Variants in TET1 observed in about 807,000 individuals in gnomAD.
TET1 encodes tet methylcytosine dioxygenase 1.
Under a neutral mutation model 148.7 loss-of-function variants are expected in TET1, and 13 were observed. The observed-to-expected ratio is 0.09, with a 90% confidence interval of 0.06 to 0.14. TET1 has a LOEUF of 0.14. Ranked by LOEUF, TET1 falls within the 10% of genes least tolerant of loss-of-function variation. The pLI, the probability that TET1 is intolerant of heterozygous loss-of-function variation, is 1.00. For missense variants in TET1, 2,182 were observed against 2,553.8 expected (o/e 0.85, Z 3.14); for synonymous variants, 907 against 937.2 (o/e 0.97, Z 0.59).
chr10:68,626,104 A>G (rs76794576), intron 3 of TET1, among the ~76,000 whole-genome samples: 16 of 10,398 alleles, frequency 1.5e-3, no homozygotes, highest in Admixed American at 5.9e-3. Flanking sequence ...AAAAGAAAAA[A>G]AAAAAGAAAA....
At chr10:68,565,990 T>C (rs1388884266) in intron 1 of TET1, among the ~76,000 whole-genome samples, 1 of 152,226 alleles carries the variant, frequency 6.6e-6, no homozygotes, top group Non-Finnish European at 1.5e-5. Context: ...ACCTTTTCTA[T>C]TTCCTTGACA....
chr10:68,609,779 CATTT>C (rs975156386), intron 3 of TET1, among the ~76,000 whole-genome samples: 10 of 151,706 alleles, frequency 6.6e-5, no homozygotes, highest in African/African-American at 1.9e-4. Flanking sequence ...TAAAATATTT[CATTT>C]ATTTATTTTT....
chr10:68,636,298 G>C (rs577454458), intron 3 of TET1, among the ~76,000 whole-genome samples: 7 of 152,250 alleles, frequency 4.6e-5, no homozygotes, highest in African/African-American at 7.2e-5. Flanking sequence ...AAATTAAATA[G>C]AGGTTTTTGA....
At position 68,596,629 on chromosome 10, in the gene TET1, G is replaced by A. The variant is rs561950095; in HGVS notation, c.1915-4352G>A. 7.2e-5 allele frequency among the ~76,000 whole-genome samples: 11 copies of A among 152,154 alleles called. No individual in the cohort carries two copies. In the South Asian group the frequency reaches 8.3e-4, roughly 11 times the overall value. ...TGACTATTCTCTCCCATCAAAACTC[G>A]CCCAGAGCTCAGACCACCAAATCAC... On this transcript the variant is annotated intron_variant, in intron 2 of 11. Coordinates refer to ENST00000373644, the MANE Select transcript of TET1 (RefSeq NM_030625.3).
intron 6 of TET1, among the ~76,000 whole-genome samples, chr10:68,653,805 C>T (rs1423768926): frequency 6.6e-6 from 1 of 152,064 alleles, no homozygotes; most frequent in Admixed American, 6.6e-5. Context: ...CCAGGGTTTT[C>T]CCATTAAGTG....
At chr10:68,621,286 A>C (rs2054366773) in intron 3 of TET1, among the ~76,000 whole-genome samples, 1 of 152,128 alleles carries the variant, frequency 6.6e-6, no homozygotes, top group Non-Finnish European at 1.5e-5. Context: ...CTTGTTGCCC[A>C]GGCTGGAGTT....
intron 7 of TET1, among the ~76,000 whole-genome samples, chr10:68,668,074 T>C (rs2055218417): frequency 6.6e-6 from 1 of 152,250 alleles, no homozygotes; most frequent in South Asian, 2.1e-4. Context: ...CATTTGGCTT[T>C]TTTTGTTTGT....
intron 7 of TET1, among the ~76,000 whole-genome samples, chr10:68,669,540 G>A (rs142187263): frequency 3.1e-5 from 4 of 127,872 alleles, no homozygotes; most frequent in Non-Finnish European, 6.4e-5. Context: ...ATTTTTAGTA[G>A]AGACGGGGTT....
chr10:68,652,395 C>A (rs1250173298), intron 5 of TET1, 106 bp from the exon 6 acceptor site: 1 of 674,964 alleles, frequency 1.5e-6, no homozygotes, highest in Non-Finnish European at 2.3e-6. Flanking sequence ...AATTTTTGAA[C>A]TTCTGTACAT....
In TET1 at chr10:68,646,312, T is replaced by C. The variant is rs756411103; in HGVS notation, c.3583T>C (p.Phe1195Leu). 1 of 1,614,170 alleles carries C rather than the reference T, an allele frequency of 6.2e-7. No individual in the cohort carries two copies. Among genetic ancestry groups the C allele is most frequent in the Non-Finnish European group, 8.5e-7 (1 of 1,180,026 alleles). The change falls in exon 4 of 12, where the codon TTT (phenylalanine) becomes CTT (leucine). Residue 1195 changes from phenylalanine (F) to leucine (L), a missense_variant. Physicochemically the swap from Phe to Leu is conservative, Grantham distance 22. Around this residue, in one of 11 missense-constraint regions of TET1, gnomAD observed 582 missense variants for 599.5 expected, o/e 0.97. Coordinates refer to ENST00000373644, the MANE Select transcript of TET1 (RefSeq NM_030625.3). ...ATGCGACATTTGGATAGCATCGAAA[T>C]TTCAAAATTTTGGGCAATTTTGTCC... ...TICDIWIASK[F>L]QNFGQFCPHD...
intron 3 of TET1, among the ~76,000 whole-genome samples, chr10:68,606,591 G>A (rs2054127817): frequency 6.8e-6 from 1 of 146,448 alleles, no homozygotes; most frequent in African/African-American, 2.6e-5. Flanking sequence ...CCATCCTTCA[G>A]GGGAAAAACA....
chr10:68,589,543 A>T (rs191558128), intron 2 of TET1, among the ~76,000 whole-genome samples: 6 of 149,576 alleles, frequency 4.0e-5, no homozygotes, highest in Non-Finnish European at 5.9e-5. Context: ...GGCTCAAGTG[A>T]TCCACCTGCC....
intron 2 of TET1, among the ~76,000 whole-genome samples, chr10:68,597,730 G>C (rs550859580): frequency 2.6e-4 from 40 of 152,126 alleles, no homozygotes; most frequent in African/African-American, 9.7e-4. Context: ...AACAAAATGT[G>C]TTATGTACAT....
At chr10:68,674,577 C>T (rs147183845) in intron 8 of TET1, 1 of 538,694 alleles carries the variant, frequency 1.9e-6, no homozygotes, top group Non-Finnish European at 3.5e-6. Context: ...CAGCTGATTA[C>T]TGAAGATGTT....
At chr10:68,670,499 C>T (rs1387421099) in intron 7 of TET1, among the ~76,000 whole-genome samples, 1 of 152,166 alleles carries the variant, frequency 6.6e-6, no homozygotes, top group Non-Finnish European at 1.5e-5. Context: ...GACTATTACA[C>T]TCAGTGCAAT....
intron 3 of TET1, among the ~76,000 whole-genome samples, chr10:68,620,998 T>C (rs945947838): frequency 6.6e-6 from 1 of 152,254 alleles, no homozygotes; most frequent in South Asian, 2.1e-4. Flanking sequence ...CTGTTTATTA[T>C]TGAATTATAA....
At chr10:68,578,873 C>T (rs1241930630) in intron 2 of TET1, among the ~76,000 whole-genome samples, 7 of 151,956 alleles carry the variant, frequency 4.6e-5, no homozygotes, top group African/African-American at 7.3e-5. Flanking sequence ...AAAAATTTGC[C>T]GGGCGTGATA....
intron 1 of TET1, among the ~76,000 whole-genome samples, chr10:68,564,885 T>C (rs2053589845): frequency 6.6e-6 from 1 of 152,068 alleles, no homozygotes. Flanking sequence ...TAGCCAGGCA[T>C]GGTGGCCTGT....
At chr10:68,582,146 G>C (rs2053805949) in intron 2 of TET1, among the ~76,000 whole-genome samples, 1 of 149,382 alleles carries the variant, frequency 6.7e-6, no homozygotes, top group Admixed American at 6.7e-5. Context: ...TGTTGCCCAA[G>C]CTGTTGTGCA....
Sources: gnomAD v4.1 joint callset for allele counts (sites outside exome capture counted in the v4.1 genomes callset) on GRCh38, gnomAD v4.1.1 for gene constraint, gnomAD v4.1.1 regional missense constraint, MANE v1.5 for transcripts, NCBI Gene and HGNC (gene_info 2026-07-23, HGNC 2026-07-21) for gene names.